The following AGBL4 variants were observed in gnomAD, a reference collection of about 807,000 sequenced individuals.
AGBL4 encodes the protein AGBL carboxypeptidase 4, also known as cytosolic carboxypeptidase 6.
AGBL4 carries 58 observed loss-of-function variants against 66.4 expected under a neutral mutation model. The observed-to-expected ratio is 0.87, with a 90% CI of 0.71 to 1.09. The LOEUF (loss-of-function observed/expected upper bound fraction) is 1.09, where lower values mean the gene tolerates loss of function less well. Among genes scored for constraint, AGBL4 ranks in the 50% least tolerant of loss-of-function variants. The pLI is 0.00. For missense variants in AGBL4, 579 were observed against 631.0 expected (o/e 0.92, Z 0.88); for synonymous variants, 234 against 222.9 (o/e 1.05, Z -0.44).
intron 1 of AGBL4, among the ~76,000 whole-genome samples, chr1:49,867,277 T>A (rs183269681): frequency 4.0e-5 from 6 of 151,106 alleles, no homozygotes; most frequent in African/African-American, 1.5e-4. Flanking sequence ...CTATACATAT[T>A]TCCTCTTTCC....
At chr1:49,276,153 G>A (rs1440496675) in intron 3 of AGBL4, among the ~76,000 whole-genome samples, 2 of 151,392 alleles carry the variant, frequency 1.3e-5, no homozygotes, top group African/African-American at 2.4e-5. Flanking sequence ...CATATGACTA[G>A]CTCATCTACA....
At chr1:48,791,204 A>G (rs1645541506) in intron 6 of AGBL4, among the ~76,000 whole-genome samples, 1 of 152,222 alleles carries the variant, frequency 6.6e-6, no homozygotes, top group Admixed American at 6.5e-5. Context: ...CTTGATTACA[A>G]TGAAAAGCCT....
At chr1:48,742,870 T>C in intron 6 of AGBL4, 1 of 1,251,842 alleles carries the variant, frequency 8.0e-7, no homozygotes, top group South Asian at 2.0e-5. Context: ...GCACAAAAAA[T>C]TTGCTAGCTT....
intron 3 of AGBL4, among the ~76,000 whole-genome samples, chr1:49,385,514 G>A (rs1644718056): frequency 6.6e-6 from 1 of 151,806 alleles, no homozygotes; most frequent in Admixed American, 6.6e-5. Context: ...TCCATTTAAT[G>A]AGAATTTTCA....
intron 8 of AGBL4, among the ~76,000 whole-genome samples, chr1:48,637,510 C>T (rs1393575703): frequency 6.6e-6 from 1 of 152,182 alleles, no homozygotes; most frequent in African/African-American, 2.4e-5. Context: ...GAGCCAGATT[C>T]TATCTCTTTG....
intron 3 of AGBL4, among the ~76,000 whole-genome samples, chr1:49,686,167 G>C (rs1315253771): frequency 6.6e-6 from 1 of 152,116 alleles, no homozygotes; most frequent in African/African-American, 2.4e-5. Flanking sequence ...ACTATCCCCA[G>C]TGGTTGTTAT....
At chr1:49,059,075 C>A (rs775482440) in intron 4 of AGBL4, among the ~76,000 whole-genome samples, 2 of 152,180 alleles carry the variant, frequency 1.3e-5, no homozygotes, top group Non-Finnish European at 2.9e-5. Flanking sequence ...AACAAGGAGC[C>A]AAATGTTAAT....
At chr1:49,651,526 G>C (rs1646004507) in intron 3 of AGBL4, among the ~76,000 whole-genome samples, 1 of 152,052 alleles carries the variant, frequency 6.6e-6, no homozygotes, top group Admixed American at 6.6e-5. Context: ...TTGTGTGTTT[G>C]GCTCATATGC....
At chr1:48,946,141 C>T (rs1422170171) in intron 5 of AGBL4, among the ~76,000 whole-genome samples, 1 of 152,118 alleles carries the variant, frequency 6.6e-6, no homozygotes, top group Admixed American at 6.5e-5. Flanking sequence ...CTCATTCTCC[C>T]ATGTCTCACA....
chr1:49,224,919 T>C (rs1324342141), intron 4 of AGBL4, among the ~76,000 whole-genome samples: 1 of 152,048 alleles, frequency 6.6e-6, no homozygotes, highest in African/African-American at 2.4e-5. Context: ...ATCTGAAGAG[T>C]GTATACGTAT....
intron 3 of AGBL4, among the ~76,000 whole-genome samples, chr1:49,433,449 G>A (rs1464263791): frequency 1.3e-5 from 2 of 152,106 alleles, no homozygotes; most frequent in African/African-American, 4.8e-5. Flanking sequence ...TTGGTGTGTG[G>A]GGAAATACAT....
At chr1:48,971,401 A>T (rs1335045115) in intron 5 of AGBL4, among the ~76,000 whole-genome samples, 1 of 152,124 alleles carries the variant, frequency 6.6e-6, no homozygotes, top group East Asian at 1.9e-4. Context: ...TCTCTTCCAC[A>T]AAAACAGTCC....
intron 3 of AGBL4, among the ~76,000 whole-genome samples, chr1:49,655,708 C>G (rs1310269362): frequency 6.6e-6 from 1 of 152,108 alleles, no homozygotes; most frequent in South Asian, 2.1e-4. Context: ...AAGATCAGAG[C>G]AGAACTGAAG....
intron 3 of AGBL4, among the ~76,000 whole-genome samples, chr1:49,561,715 T>C (rs368686179): frequency 1.3e-5 from 2 of 152,048 alleles, no homozygotes; most frequent in African/African-American, 2.4e-5. Context: ...CATTGTTGGA[T>C]ATTTGGGTTG....
intron 1 of AGBL4, among the ~76,000 whole-genome samples, chr1:49,907,870 G>A (rs761657250): frequency 6.6e-6 from 1 of 151,936 alleles, no homozygotes; most frequent in Non-Finnish European, 1.5e-5. Context: ...TCTGGAGGAT[G>A]TTGATAATTG....
At chr1:48,950,640 C>G (rs551322096) in intron 5 of AGBL4, among the ~76,000 whole-genome samples, 1 of 152,122 alleles carries the variant, frequency 6.6e-6, no homozygotes, top group East Asian at 1.9e-4. Context: ...ATGAGAGAGT[C>G]TTTAGGTTTT....
chr1:49,848,955 T>C (rs1225507664), intron 2 of AGBL4, among the ~76,000 whole-genome samples: 1 of 152,182 alleles, frequency 6.6e-6, no homozygotes, highest in Non-Finnish European at 1.5e-5. Flanking sequence ...ACTTTGTGTA[T>C]GATACTATCA....
intron 9 of AGBL4, among the ~76,000 whole-genome samples, chr1:48,606,953 T>A (rs76119897): frequency 2.0e-3 from 304 of 152,316 alleles, no homozygotes; most frequent in Non-Finnish European, 3.0e-3. Flanking sequence ...CTGAACTGTC[T>A]GTGTGACTTT....
chr1:48,854,829 TAA>T (rs1647110251), intron 6 of AGBL4, among the ~76,000 whole-genome samples: 1 of 152,206 alleles, frequency 6.6e-6, no homozygotes, highest in African/African-American at 2.4e-5. Context: ...TGGGAGAATG[TAA>T]AGTCTGCAGC....
Sources: allele counts gnomAD v4.1 joint callset (sites outside exome capture counted in the v4.1 genomes callset), GRCh38; gene constraint gnomAD v4.1.1; transcripts MANE v1.5; gene names NCBI Gene and HGNC (gene_info 2026-07-23, HGNC 2026-07-21).